Variants in BICC1 observed in about 807,000 individuals in gnomAD.
BICC1 encodes the protein BicC family RNA binding protein 1, also known as protein bicaudal C homolog 1.
BICC1 carries 43 observed loss-of-function variants against 111.0 expected under a neutral mutation model. The ratio of observed to expected loss-of-function variants is 0.39; its 90% confidence interval spans 0.30 to 0.50. The LOEUF is 0.50. BICC1 is among the 20% of genes least tolerant of loss of function. BICC1 has a pLI of 0.88. For synonymous variants in BICC1, 467 were observed against 434.4 expected, an observed-to-expected ratio of 1.07 and a Z score of -0.93; for missense variants, 1,091 against 1,203.2, an observed-to-expected ratio of 0.91 and a Z score of 1.38.
intron 1 of BICC1, among the ~76,000 whole-genome samples, chr10:58,597,160 T>C (rs1844843533): frequency 6.6e-6 from 1 of 152,142 alleles, no homozygotes; most frequent in Non-Finnish European, 1.5e-5. Flanking sequence ...GAGAGCAATT[T>C]TACAGCTGGG....
At chr10:58,788,018 T>C (rs1843061933) in intron 5 of BICC1, among the ~76,000 whole-genome samples, 1 of 152,110 alleles carries the variant, frequency 6.6e-6, no homozygotes, top group East Asian at 1.9e-4. Flanking sequence ...TCATTGAATA[T>C]TGATAAGTAT....
chr10:58,664,964 G>A (rs1838963767), intron 2 of BICC1, among the ~76,000 whole-genome samples: 1 of 152,106 alleles, frequency 6.6e-6, no homozygotes, highest in Non-Finnish European at 1.5e-5. Flanking sequence ...GCTACATTGA[G>A]CTTAATATGA....
At chr10:58,802,991 C>A in intron 14 of BICC1, 86 bp from the exon 15 acceptor site, 1 of 1,276,876 alleles carries the variant, frequency 7.8e-7, no homozygotes, top group Non-Finnish European at 1.1e-6. Context: ...TGATGATAAA[C>A]ATGCATAGTA....
chr10:58,657,149 A>G (rs1217373460), intron 2 of BICC1, among the ~76,000 whole-genome samples: 1 of 151,214 alleles, frequency 6.6e-6, no homozygotes, highest in Non-Finnish European at 1.5e-5. Flanking sequence ...TACTATCCCT[A>G]CTCTTGCCTG....
At chr10:58,632,011 T>C (rs1311369382) in intron 2 of BICC1, among the ~76,000 whole-genome samples, 1 of 152,190 alleles carries the variant, frequency 6.6e-6, no homozygotes, top group African/African-American at 2.4e-5. Context: ...TTTTCTTGGC[T>C]TCAGTCAGTA....
intron 9 of BICC1, among the ~76,000 whole-genome samples, chr10:58,795,977 C>T (rs1017114912): frequency 6.6e-6 from 1 of 152,154 alleles, no homozygotes; most frequent in African/African-American, 2.4e-5. Context: ...GGTTCCCATC[C>T]TCTTGCTGTC....
Position 58,626,558 on chromosome 10 carries a change from A to G in BICC1, c.237+5657A>G, listed in dbSNP as rs1480239061. ...GTGAGAAGAGATTAAGAAAAAGATC[A>G]AGTAATTTGCTCATCATTCTCCTAG... On this transcript the variant is annotated intron_variant, in intron 2 of 20. Coordinates refer to ENST00000373886, the MANE Select transcript of BICC1 (RefSeq NM_001080512.3). Among the ~76,000 whole-genome samples the G allele has an allele frequency of 2.0e-5, 3 of 152,294 alleles. 1 individual carries two copies. Among genetic ancestry groups the G allele is most frequent in the South Asian group, 4.1e-4 (2 of 4,824 alleles).
At position 58,773,477 on chromosome 10, in the gene BICC1, A is replaced by G. The variant is rs552682685; in HGVS notation, c.308-11524A>G. 1.2e-3 allele frequency among the ~76,000 whole-genome samples: 188 copies of G among 152,352 alleles called. 1 individual carries two copies. The highest frequency in any genetic ancestry group is 4.1e-3 in the African/African-American group (171 of 41,588). ...AAGCAATGGATATTAATAGATGATG[A>G]GGCACAAAAACTGGCAACAGCTGGA... On this transcript the variant is annotated intron_variant, in intron 3 of 20. Transcript: ENST00000373886.
intron 2 of BICC1, among the ~76,000 whole-genome samples, chr10:58,621,176 G>C (rs1296413442): frequency 6.6e-6 from 1 of 152,222 alleles, no homozygotes; most frequent in Non-Finnish European, 1.5e-5. Context: ...ATCAATTCAT[G>C]TGGCATTCAC....
chr10:58,711,466 C>A (rs751447992), intron 3 of BICC1, among the ~76,000 whole-genome samples: 3 of 152,194 alleles, frequency 2.0e-5, no homozygotes, highest in Non-Finnish European at 4.4e-5. Flanking sequence ...GCCAAACATG[C>A]ACATTTGAGA....
intron 1 of BICC1, among the ~76,000 whole-genome samples, chr10:58,561,918 T>G (rs76446205): frequency 0.031 from 4,726 of 152,264 alleles, 234 homozygotes; most frequent in African/African-American, 0.11. Context: ...GCTGGCAGTT[T>G]TCTTTCAGCA....
chr10:58,767,495 C>G (rs1019707365), intron 3 of BICC1, among the ~76,000 whole-genome samples: 13 of 152,110 alleles, frequency 8.5e-5, no homozygotes, highest in African/African-American at 3.1e-4. Flanking sequence ...GATGTGAAAA[C>G]AGCAACACAG....
At chr10:58,571,431 A>G (rs1054993909) in intron 1 of BICC1, among the ~76,000 whole-genome samples, 9 of 152,132 alleles carry the variant, frequency 5.9e-5, no homozygotes, top group African/African-American at 2.2e-4. Flanking sequence ...ACATTGTCCC[A>G]TCACCCAGGT....
At chr10:58,768,671 A>C (rs534451665) in intron 3 of BICC1, among the ~76,000 whole-genome samples, 1 of 122,902 alleles carries the variant, frequency 8.1e-6, no homozygotes, top group Admixed American at 9.6e-5. Context: ...GACACAATAT[A>C]AAAAAAGTAA....
At chr10:58,690,012 A>T (rs1839864586) in intron 2 of BICC1, among the ~76,000 whole-genome samples, 1 of 152,176 alleles carries the variant, frequency 6.6e-6, no homozygotes, top group African/African-American at 2.4e-5. Context: ...TGACCTTTTT[A>T]TGTAGTGTTT....
At chr10:58,601,140 T>TA (rs1554810885) in intron 1 of BICC1, among the ~76,000 whole-genome samples, 6 of 100,672 alleles carry the variant, frequency 6.0e-5, no homozygotes, top group African/African-American at 1.8e-4. Context: ...ATTTTAAAAC[T>TA]TATATATATA....
intron 18 of BICC1, among the ~76,000 whole-genome samples, chr10:58,816,471 G>A (rs190731122): frequency 1.5e-4 from 23 of 152,176 alleles, no homozygotes; most frequent in Admixed American, 8.5e-4. Flanking sequence ...AATCATAGAG[G>A]ACATCTCAAT....
intron 1 of BICC1, among the ~76,000 whole-genome samples, chr10:58,600,371 C>T (rs1005754411): frequency 3.3e-5 from 5 of 151,876 alleles, no homozygotes; most frequent in South Asian, 2.1e-4. Flanking sequence ...AGCCACGGCC[C>T]GGGAATGGAG....
At chr10:58,563,411 C>T (rs1843665866) in intron 1 of BICC1, among the ~76,000 whole-genome samples, 1 of 152,162 alleles carries the variant, frequency 6.6e-6, no homozygotes, top group Admixed American at 6.5e-5. Flanking sequence ...TTGCAGGCAT[C>T]CATGGTGGCA....
Sources: gnomAD v4.1 joint callset for allele counts (sites outside exome capture counted in the v4.1 genomes callset) on GRCh38, gnomAD v4.1.1 for gene constraint, MANE v1.5 for transcripts, NCBI Gene and HGNC (gene_info 2026-07-23, HGNC 2026-07-21) for gene names.